The following PPT1 variants were observed in gnomAD, a reference collection of about 807,000 sequenced individuals.
PPT1 encodes the protein palmitoyl-protein thioesterase 1.
In PPT1, 24 loss-of-function variants were observed where a neutral mutation model predicts 44.0. The observed-to-expected ratio is 0.54, with a 90% CI of 0.39 to 0.77. PPT1 has a LOEUF of 0.77. PPT1 is among the 30% of genes least tolerant of loss of function. The pLI is 0.00. For synonymous variants in PPT1, 148 were observed against 140.2 expected, an observed-to-expected ratio of 1.06 and a Z score of -0.39; for missense variants, 341 against 378.8, an observed-to-expected ratio of 0.90 and a Z score of 0.83.
rs2124487851 is a variant in PPT1 at position 40,092,117 on chromosome 1, T to C, written c.290A>G (p.Gln97Arg). The change falls in exon 3 of 9, where the codon CAG becomes CGG. Residue 97 changes from glutamine (Q) to arginine (R), a missense_variant. Transcript: ENST00000642050. ...CAATTTAGGATCCTTAGCAAGTGCCTGACACACTGTTGTTACTTGGGAATT... is the reference window on the plus strand; with the variant it reads ...CAATTTAGGATCCTTAGCAAGTGCCCGACACACTGTTGTTACTTGGGAATT... Reference protein sequence around the residue: ...NVNSQVTTVCQALAKDPKLQQ... With the variant: ...NVNSQVTTVCRALAKDPKLQQ... 2 of 1,614,110 alleles carry C rather than the reference T, an allele frequency of 1.2e-6. No individual in the cohort carries two copies. The highest frequency in any genetic ancestry group is 1.7e-6 in the Non-Finnish European group (2 of 1,179,928).
At chr1:40,093,403 G>C (rs1317250901) in intron 1 of PPT1, among the ~76,000 whole-genome samples, 1 of 134,774 alleles carries the variant, frequency 7.4e-6, no homozygotes, top group Non-Finnish European at 1.6e-5. Flanking sequence ...TTGCTTAATG[G>C]CTATGTGTGT....
Position 40,089,472 on chromosome 1 carries a change from G to T in PPT1, c.474C>A (p.His158Gln), listed in dbSNP as rs549251715. ...GLPRCPGESSHICDFIRKTLN... is the reference protein window; with the variant it reads ...GLPRCPGESSQICDFIRKTLN... ...GTGTTTTTCGGATGAAGTCACAGATGTGAGAGCTCTCTCCTGGGCATCGAG... is the reference window on the plus strand; with the variant it reads ...GTGTTTTTCGGATGAAGTCACAGATTTGAGAGCTCTCTCCTGGGCATCGAG... The change falls in exon 5 of 9, where the codon CAC becomes CAA. Residue 158 changes from histidine (H) to glutamine (Q), a missense_variant. Transcript: ENST00000642050. 12 of 1,613,936 alleles carry T rather than the reference G, an allele frequency of 7.4e-6. No individual in the cohort carries two copies. In the East Asian group the frequency reaches 2.7e-4, roughly 36 times the overall value.
intron 8 of PPT1, among the ~76,000 whole-genome samples, chr1:40,074,408 T>C (rs1451724667): frequency 3.0e-4 from 37 of 123,736 alleles, no homozygotes; most frequent in African/African-American, 1.0e-3. Context: ...TCTTCTCTCC[T>C]CCCCCTCCTC....
At position 40,079,049 on chromosome 1, in the gene PPT1, G is replaced by A. The variant is rs1031981900; in HGVS notation, c.628-391C>T. On this transcript the variant is annotated intron_variant, in intron 6 of 8. Coordinates refer to ENST00000642050, the MANE Select transcript of PPT1 (RefSeq NM_000310.4). The stretch of plus-strand genomic sequence containing the variant: ...CTATTGTTCCCATCTTTATATTCAC[G>A]TGTACCCAATGTTTAGCTCCCACTT... 3.9e-5 allele frequency among the ~76,000 whole-genome samples: 6 copies of A among 152,078 alleles called. No homozygotes were observed. The East Asian group carries it at 1.2e-3, about 29-fold the overall frequency.
chr1:40,090,380 ATATG>A (rs544700075), intron 4 of PPT1, among the ~76,000 whole-genome samples: 16 of 152,094 alleles, frequency 1.1e-4, no homozygotes, highest in African/African-American at 3.9e-4. Context: ...ATATAAGTGC[ATATG>A]TGTGTATATA....
chr1:40,080,309 T>C (rs1236098773), intron 6 of PPT1, 88 bp downstream of exon 6: 1 of 1,363,582 alleles, frequency 7.3e-7, no homozygotes, highest in Non-Finnish European at 1.0e-6. Context: ...CCAGGACAGT[T>C]TGGGTAAACA....
At chr1:40,082,541 G>C (rs529231319) in intron 5 of PPT1, among the ~76,000 whole-genome samples, 28 of 152,132 alleles carry the variant, frequency 1.8e-4, no homozygotes, top group African/African-American at 6.7e-4. Context: ...CTAGATAGAA[G>C]ACCAAACCAG....
chr1:40,089,489 G>A lies in PPT1; in HGVS notation c.457C>T (p.Pro153Ser), dbSNP rs747859266. ...HQGVFGLPRCPGESSHICDFI... is the reference protein window; with the variant it reads ...HQGVFGLPRCSGESSHICDFI... ...TCACAGATGTGAGAGCTCTCTCCTG[G>A]GCATCGAGGGAGTCCAAAAACACCT... Residue 153 changes from proline to serine, a missense_variant, in exon 5 of 9, where the codon CCA (proline) becomes TCA (serine). Transcript: ENST00000642050. The A allele has an allele frequency of 6.2e-7, 1 of 1,613,942 alleles. No homozygotes were observed. The highest frequency in any genetic ancestry group is 2.2e-5 in the East Asian group (1 of 44,874).
chr1:40,085,654 T>A (rs1649221597), intron 5 of PPT1, among the ~76,000 whole-genome samples: 1 of 152,188 alleles, frequency 6.6e-6, no homozygotes, highest in Non-Finnish European at 1.5e-5. Flanking sequence ...AAAGATGACT[T>A]GCTGAAGACT....
rs560471003 is a variant in PPT1 at position 40,089,411 on chromosome 1, G to T, written c.535C>A (p.Arg179Ser). 1 of 1,612,420 alleles carries T rather than the reference G, an allele frequency of 6.2e-7. No individual in the cohort carries two copies. Among genetic ancestry groups the T allele is most frequent in the Non-Finnish European group, 8.5e-7 (1 of 1,178,680 alleles). The change falls in exon 5 of 9, where the codon CGC becomes AGC. Residue 179 changes from arginine to serine, a missense_variant and splice_region_variant. Physicochemically the swap from Arg to Ser is moderately radical, Grantham distance 110. Transcript: ENST00000642050. Reference protein sequence around the residue: ...AGAYSKVVQERLVQAEYWHDP... With the variant: ...AGAYSKVVQESLVQAEYWHDP... ...ATCTTTTCAGCTAACCATACATACC[G>T]TTCCTGAACAACTTTGGAGTACGCC... is the stretch of plus-strand genomic sequence containing the variant.
At chr1:40,087,204 T>A (rs1570464523) in intron 5 of PPT1, among the ~76,000 whole-genome samples, 1 of 152,140 alleles carries the variant, frequency 6.6e-6, no homozygotes, top group East Asian at 1.9e-4. Context: ...AAGGAGGAAG[T>A]GAAGATAAAC....
At chr1:40,094,857 C>T (rs1261822570) in intron 1 of PPT1, among the ~76,000 whole-genome samples, 1 of 152,208 alleles carries the variant, frequency 6.6e-6, no homozygotes, top group Non-Finnish European at 1.5e-5. Flanking sequence ...ACTGCCTCTG[C>T]CTCCCCTGTA....
intron 5 of PPT1, among the ~76,000 whole-genome samples, chr1:40,082,833 C>T (rs1649038332): frequency 6.6e-6 from 1 of 152,166 alleles, no homozygotes. Context: ...GTAGGTGAAA[C>T]AGTCTTAAAT....
At position 40,073,579 on chromosome 1, in the gene PPT1, A is replaced by C. The variant is rs1557704447; in HGVS notation, c.*482T>G. The C allele has an allele frequency of 5.5e-6, 1 of 181,584 alleles. No individual in the cohort carries two copies. The highest frequency in any genetic ancestry group is 1.2e-5 in the Non-Finnish European group (1 of 84,568). 11.2% of individuals were successfully genotyped at this position (181,584 alleles called of 1,614,324 possible). Reference sequence around the variant, plus strand: ...CTGAGAGAGGAAGGCAGCCTTAAGAAATGATGCAGAAATAGCCAAGCAAGA... The same window carrying C: ...CTGAGAGAGGAAGGCAGCCTTAAGACATGATGCAGAAATAGCCAAGCAAGA... On this transcript the variant is annotated 3_prime_UTR_variant, in exon 9 of 9. Transcript: ENST00000642050.
At chr1:40,075,866 C>G (rs1648592160) in intron 8 of PPT1, among the ~76,000 whole-genome samples, 2 of 137,942 alleles carry the variant, frequency 1.4e-5, no homozygotes, top group Non-Finnish European at 3.0e-5. Context: ...GAGGCTGAGG[C>G]AGGATAATCG....
intron 4 of PPT1, among the ~76,000 whole-genome samples, chr1:40,090,755 G>C (rs907821202): frequency 7.2e-5 from 11 of 152,166 alleles, no homozygotes; most frequent in Admixed American, 6.5e-4. Context: ...ACTTGCCTAG[G>C]AGTAATAGTT....
At chr1:40,087,916 G>C (rs1206625621) in intron 5 of PPT1, among the ~76,000 whole-genome samples, 1 of 151,020 alleles carries the variant, frequency 6.6e-6, no homozygotes, top group Non-Finnish European at 1.5e-5. Flanking sequence ...AAACAGCTTT[G>C]TGGCTATTTG....
intron 1 of PPT1, 130 bp downstream of exon 1, chr1:40,096,985 C>T (rs954527129): frequency 6.6e-6 from 10 of 1,514,834 alleles, no homozygotes; most frequent in South Asian, 3.4e-5. Flanking sequence ...TCCTTCAAAT[C>T]CTAAAATGTC....
At chr1:40,074,541 C>T (rs1373096694) in intron 8 of PPT1, among the ~76,000 whole-genome samples, 2 of 151,262 alleles carry the variant, frequency 1.3e-5, no homozygotes, top group African/African-American at 4.9e-5. Context: ...GATCTCGGCT[C>T]ACTGCAACCT....
Sources: allele counts gnomAD v4.1 joint callset (sites outside exome capture counted in the v4.1 genomes callset), GRCh38; gene constraint gnomAD v4.1.1; transcripts MANE v1.5; gene names NCBI Gene and HGNC (gene_info 2026-07-23, HGNC 2026-07-21).